NBEAL1: variants seen among roughly 807,000 people sequenced by gnomAD.
NBEAL1 encodes neurobeachin like 1.
In NBEAL1, 273 loss-of-function variants were observed where a neutral mutation model predicts 351.3. The ratio of observed to expected loss-of-function variants is 0.78; its 90% CI spans 0.70 to 0.86. The LOEUF (loss-of-function observed/expected upper bound fraction) is 0.86. Among genes scored for constraint, NBEAL1 ranks in the 40% least tolerant of loss-of-function variants. The pLI is 0.00. For synonymous variants in NBEAL1, 1,050 were observed against 1,086.4 expected (o/e 0.97, Z 0.66); for missense variants, 2,961 against 3,201.3 (o/e 0.92, Z 1.81).
chr2:203,106,306 T>C (rs1334608486), intron 12 of NBEAL1, among the ~76,000 whole-genome samples: 1 of 152,238 alleles, frequency 6.6e-6, no homozygotes, highest in Non-Finnish European at 1.5e-5. Context: ...AATTACTCCC[T>C]GTTTTCTGAA....
At chr2:203,099,447 T>G (rs779958174) in intron 11 of NBEAL1, among the ~76,000 whole-genome samples, 182 bp from the exon 12 acceptor site, 75 of 152,208 alleles carry the variant, frequency 4.9e-4, no homozygotes, top group Non-Finnish European at 9.3e-4. Context: ...GTGGTTTATT[T>G]TTCTTTTAAA....
intron 14 of NBEAL1, among the ~76,000 whole-genome samples, chr2:203,108,500 G>A (rs1007075050): frequency 3.3e-5 from 5 of 151,702 alleles, no homozygotes; most frequent in Non-Finnish European, 4.4e-5. Flanking sequence ...CTGGGTTCAC[G>A]CCATTATCCT....
chr2:203,197,613 A>T (rs1404634241), intron 48 of NBEAL1, among the ~76,000 whole-genome samples: 1 of 152,162 alleles, frequency 6.6e-6, no homozygotes, highest in Non-Finnish European at 1.5e-5. Flanking sequence ...ATCTGAAAAG[A>T]TATATAAAAA....
At chr2:203,074,082 G>A (rs913892977) in intron 7 of NBEAL1, among the ~76,000 whole-genome samples, 2 of 152,144 alleles carry the variant, frequency 1.3e-5, no homozygotes, top group African/African-American at 4.8e-5. Context: ...ATGGCTAAGA[G>A]AGTAGCTAAA....
chr2:203,110,416 T>G (rs1284433188), intron 15 of NBEAL1, 134 bp downstream of exon 15: 11 of 890,832 alleles, frequency 1.2e-5, no homozygotes, highest in Non-Finnish European at 1.7e-5. Flanking sequence ...CACCTGTACG[T>G]AATCCCAGCA....
At chr2:203,168,069 T>G (rs1184180964) in intron 38 of NBEAL1, among the ~76,000 whole-genome samples, 2 of 152,236 alleles carry the variant, frequency 1.3e-5, no homozygotes, top group East Asian at 3.8e-4. Context: ...TGGATTTGAT[T>G]AAGATGTTTA....
At position 203,112,056 on chromosome 2, in the gene NBEAL1, A is replaced by G. The variant is rs570808795; in HGVS notation, c.2160A>G (p.Gln720=). ...QSFVYIYDNG[Q]QKVSAPLRFP... is the part of the protein sequence containing the mutation. The stretch of plus-strand genomic sequence containing the variant: ...TCGTCTATATCTATGACAATGGACA[A>G]CAGAAGGTTTCTGCCCCTCTCAGAT... Residue 720 remains glutamine (Q), a synonymous_variant, in exon 16 of 56, where the codon CAA becomes CAG. Coordinates refer to ENST00000683969, the MANE Select transcript of NBEAL1 (RefSeq NM_001378026.1). 6.4e-7 allele frequency: 1 copy of G among 1,552,726 alleles called. No individual in the cohort carries two copies. The highest frequency in any genetic ancestry group is 2.4e-5 in the East Asian group (1 of 41,160).
chr2:203,180,541 T>C, intron 43 of NBEAL1, 29 bp downstream of exon 43: 2 of 1,580,816 alleles, frequency 1.3e-6, no homozygotes, highest in Non-Finnish European at 1.7e-6. Flanking sequence ...AAAATTTGAC[T>C]AGCAGGTCCC....
intron 2 of NBEAL1, among the ~76,000 whole-genome samples, chr2:203,032,407 C>T (rs2060963036): frequency 1.3e-5 from 2 of 152,030 alleles, no homozygotes; most frequent in South Asian, 4.1e-4. Context: ...CCTGTAATCC[C>T]AGCACTTTGG....
chr2:203,042,233 T>C (rs2061153676), intron 3 of NBEAL1, among the ~76,000 whole-genome samples: 1 of 152,274 alleles, frequency 6.6e-6, no homozygotes, highest in Non-Finnish European at 1.5e-5. Context: ...AATTCTGGGT[T>C]CTCACACCTC....
chr2:203,100,165 T>C (rs1435029447), intron 12 of NBEAL1, among the ~76,000 whole-genome samples: 2 of 152,212 alleles, frequency 1.3e-5, no homozygotes, highest in African/African-American at 4.8e-5. Context: ...TGGCTTTAGG[T>C]TGATTCCATG....
At chr2:203,195,955 T>C (rs1426009405) in intron 47 of NBEAL1, among the ~76,000 whole-genome samples, 1 of 152,174 alleles carries the variant, frequency 6.6e-6, no homozygotes. Flanking sequence ...AGGGAAAGTT[T>C]TATGTCAGTG....
intron 42 of NBEAL1, among the ~76,000 whole-genome samples, chr2:203,179,843 A>T (rs1335159203): frequency 1.3e-5 from 2 of 152,104 alleles, no homozygotes; most frequent in Non-Finnish European, 2.9e-5. Context: ...CAGTGGCACA[A>T]TCTCCCAGGA....
At position 203,217,274 on chromosome 2, in the gene NBEAL1, C is replaced by T. The variant is rs367842290; in HGVS notation, c.8092C>T (p.Arg2698Ter). 3 of 1,595,560 alleles carry T rather than the reference C, an allele frequency of 1.9e-6. No homozygotes were observed. Among genetic ancestry groups the T allele is most frequent in the East Asian group, 2.3e-5 (1 of 44,346 alleles). ...ACAGATGCGTTCAGGTCAGCTTTCTCGAAAATTTTGGGGATCGAGCAAGCG... is the reference window on the plus strand; with the variant it reads ...ACAGATGCGTTCAGGTCAGCTTTCTTGAAAATTTTGGGGATCGAGCAAGCG... ...PAEMRSGQLS[R>*]KFWGSSKRLS... The change falls in exon 56 of 56, where the codon CGA becomes TGA. Residue 2698 changes from arginine (R) to a stop codon, truncating the protein, a stop_gained. Transcript: ENST00000683969. LOFTEE classifies it high-confidence loss of function.
chr2:203,137,102 G>A (rs1317510231), intron 29 of NBEAL1, among the ~76,000 whole-genome samples: 1 of 152,118 alleles, frequency 6.6e-6, no homozygotes, highest in African/African-American at 2.4e-5. Flanking sequence ...GAGTGTTTCC[G>A]TGCTAAGAGA....
chr2:203,068,110 T>C (rs2061623413), intron 6 of NBEAL1, among the ~76,000 whole-genome samples: 2 of 152,224 alleles, frequency 1.3e-5, no homozygotes, highest in South Asian at 4.1e-4. Context: ...CAAATTCTTT[T>C]ACAGATTGGA....
intron 7 of NBEAL1, chr2:203,075,186 C>G (rs1218350924): frequency 6.6e-6 from 1 of 152,150 alleles, no homozygotes; most frequent in Non-Finnish European, 1.5e-5. Flanking sequence ...TCATTACTTT[C>G]TAATATATTT....
At chr2:203,145,372 T>G (rs1382762673) in intron 33 of NBEAL1, among the ~76,000 whole-genome samples, 2 of 152,220 alleles carry the variant, frequency 1.3e-5, no homozygotes, top group African/African-American at 4.8e-5. Flanking sequence ...AAAAGTTTAT[T>G]AAGCTGATAG....
chr2:203,131,558 G>A (rs555535455), intron 25 of NBEAL1, among the ~76,000 whole-genome samples: 1 of 152,234 alleles, frequency 6.6e-6, no homozygotes, highest in East Asian at 1.9e-4. Context: ...CTATAATAGG[G>A]AGTGCCTATT....
Sources: gnomAD v4.1 joint callset for allele counts (sites outside exome capture counted in the v4.1 genomes callset) on GRCh38, gnomAD v4.1.1 for gene constraint, MANE v1.5 for transcripts, NCBI Gene and HGNC (gene_info 2026-07-23, HGNC 2026-07-21) for gene names.